The following COL23A1 variants were observed in gnomAD, a reference collection of about 807,000 sequenced individuals.
COL23A1 encodes the protein collagen type XXIII alpha 1 chain, also known as collagen alpha-1(XXIII) chain.
In COL23A1, 97 loss-of-function variants were observed where a neutral mutation model predicts 99.3. The ratio of observed to expected loss-of-function variants is 0.98; its 90% confidence interval spans 0.83 to 1.16. COL23A1 has a LOEUF of 1.16. COL23A1 is among the 50% of genes most tolerant of loss of function. The pLI, the probability that COL23A1 is intolerant of heterozygous loss-of-function variation, is 0.00. For synonymous variants in COL23A1, 320 were observed against 308.2 expected (o/e 1.04, Z -0.40); for missense variants, 762 against 757.4 (o/e 1.01, Z -0.07).
At position 178,313,463 on chromosome 5, in the gene COL23A1, T is replaced by C. The variant is rs186538946; in HGVS notation, c.362-6544A>G. Among the ~76,000 whole-genome samples the C allele has an allele frequency of 3.5e-3, 535 of 152,360 alleles. 3 individuals carry two copies. The highest frequency in any genetic ancestry group is 0.012 in the African/African-American group (510 of 41,582). ...GCCGTCCTGATGGAGACTGTGGGGA[T>C]GCTGCTGGCAGCCACAGCAGTGTCC... On this transcript the variant is annotated intron_variant, in intron 2 of 28. Coordinates refer to ENST00000390654, the MANE Select transcript of COL23A1 (RefSeq NM_173465.4). The surrounding 1 kb of genome is among the most constrained non-coding windows in gnomAD (Gnocchi z 4.2).
rs569596843 is a variant in COL23A1 at position 178,309,397 on chromosome 5, C to T, written c.362-2478G>A. On this transcript the variant is annotated intron_variant, in intron 2 of 28. Transcript: ENST00000390654. The surrounding 1 kb of genome is among the most constrained non-coding windows in gnomAD (Gnocchi z 4.7). ...TGCTGAGCATACAGGGCCTGTGAGCCGCAGGCCAGGCAGGCTGGATGTGAC... is the reference window on the plus strand; with the variant it reads ...TGCTGAGCATACAGGGCCTGTGAGCTGCAGGCCAGGCAGGCTGGATGTGAC... Among the ~76,000 whole-genome samples, 77 of 152,156 alleles carry T rather than the reference C, an allele frequency of 5.1e-4. No homozygotes were observed. Among genetic ancestry groups the T allele is most frequent in the Admixed American group, 4.1e-3 (62 of 15,284 alleles).
rs150498653 is a variant in COL23A1, at chr5:178,550,950, T to G, written c.361+9732A>C. On this transcript the variant is annotated intron_variant, in intron 2 of 28. Transcript: ENST00000390654. ...TTCTAGAAATCTGTTTTCTAACAGA[T>G]AGTCTACCTTTCACAGAATCTTCAT... Among the ~76,000 whole-genome samples the G allele has an allele frequency of 3.9e-3, 597 of 152,144 alleles. 6 individuals are homozygous for G. Among genetic ancestry groups the G allele is most frequent in the African/African-American group, 0.013 (558 of 41,510 alleles).
At chr5:178,537,873 G>A (rs572287533) in intron 2 of COL23A1, among the ~76,000 whole-genome samples, 34 of 152,270 alleles carry the variant, frequency 2.2e-4, no homozygotes, top group African/African-American at 6.5e-4. Flanking sequence ...CCATCACCAC[G>A]TCCGCCTCCA....
intron 1 of COL23A1, among the ~76,000 whole-genome samples, chr5:178,579,643 G>A (rs537380044): frequency 1.9e-4 from 29 of 152,138 alleles, no homozygotes; most frequent in African/African-American, 7.0e-4. Flanking sequence ...TAGGAGAGAC[G>A]GGGTTTCACC....
chr5:178,431,528 A>G (rs1766265101), intron 2 of COL23A1, among the ~76,000 whole-genome samples: 2 of 152,208 alleles, frequency 1.3e-5, no homozygotes, highest in Admixed American at 6.5e-5. Flanking sequence ...CCCCAGACGT[A>G]ATCACAAATG....
intron 2 of COL23A1, among the ~76,000 whole-genome samples, chr5:178,552,854 C>CA (rs1434406777): frequency 6.6e-6 from 1 of 151,984 alleles, no homozygotes; most frequent in East Asian, 1.9e-4. Context: ...GCTGGGACTA[C>CA]AGGCGCGTGC....
intron 2 of COL23A1, among the ~76,000 whole-genome samples, chr5:178,467,729 C>T (rs1756498365): frequency 1.3e-5 from 2 of 152,142 alleles, no homozygotes; most frequent in South Asian, 2.1e-4. Context: ...TTTTAATTGA[C>T]TCATTTTTAA....
intron 2 of COL23A1, among the ~76,000 whole-genome samples, chr5:178,555,263 C>T (rs1182427341): frequency 1.3e-5 from 2 of 152,124 alleles, no homozygotes; most frequent in Non-Finnish European, 2.9e-5. Flanking sequence ...AAACACAGTC[C>T]CATTCTGAAG....
rs1758603034 is a variant in COL23A1 at position 178,310,285 on chromosome 5, C to CG, written c.362-3367dup. Among the ~76,000 whole-genome samples, 1 of 152,124 alleles carries CG rather than the reference C, an allele frequency of 6.6e-6. No homozygotes were observed. The highest frequency in any genetic ancestry group is 1.5e-5 in the Non-Finnish European group (1 of 68,028). On this transcript the variant is annotated intron_variant, in intron 2 of 28. Transcript: ENST00000390654. This position sits in a 1 kb window ranked among gnomAD's most constrained non-coding sequence, Gnocchi z 4.3. ...AGGAGCCGCAGGAGTGGGGGCAGGACGGACGGCCTCTCCTGAGTCTCTGGA... is the reference window on the plus strand; with the variant it reads ...AGGAGCCGCAGGAGTGGGGGCAGGACGGGACGGCCTCTCCTGAGTCTCTGGA...
chr5:178,579,880 G>A (rs922546149), intron 1 of COL23A1, among the ~76,000 whole-genome samples: 2 of 152,254 alleles, frequency 1.3e-5, no homozygotes, highest in African/African-American at 4.8e-5. Flanking sequence ...CCATGAGGCT[G>A]TGGAAAGGGC....
At chr5:178,262,946 G>C (rs1481152876) in intron 9 of COL23A1, among the ~76,000 whole-genome samples, 1 of 152,100 alleles carries the variant, frequency 6.6e-6, no homozygotes, top group Non-Finnish European at 1.5e-5. Flanking sequence ...GACCCAGTTA[G>C]TGTTAGATTT....
At chr5:178,326,752 C>T (rs759305527) in intron 2 of COL23A1, among the ~76,000 whole-genome samples, 3 of 152,236 alleles carry the variant, frequency 2.0e-5, no homozygotes, top group Non-Finnish European at 4.4e-5. Flanking sequence ...CGGAGTCTCG[C>T]TCTGTCACCC....
At chr5:178,496,451 G>T (rs571598074) in intron 2 of COL23A1, among the ~76,000 whole-genome samples, 1 of 152,298 alleles carries the variant, frequency 6.6e-6, no homozygotes, top group Non-Finnish European at 1.5e-5. Context: ...ATGTCTTAGG[G>T]ATGAAGCTTC....
chr5:178,508,614 T>C (rs1390177415), intron 2 of COL23A1, among the ~76,000 whole-genome samples: 2 of 152,204 alleles, frequency 1.3e-5, no homozygotes, highest in South Asian at 2.1e-4. Flanking sequence ...AGAGGTTCTT[T>C]GGTACTGCTG....
intron 1 of COL23A1, among the ~76,000 whole-genome samples, chr5:178,564,669 C>T (rs1361101663): frequency 1.3e-5 from 2 of 152,068 alleles, no homozygotes; most frequent in Admixed American, 6.6e-5. Flanking sequence ...GGGGGAAGGG[C>T]GGCAAGAGCT....
chr5:178,343,302 C>T (rs1760772634), intron 2 of COL23A1, among the ~76,000 whole-genome samples: 1 of 152,126 alleles, frequency 6.6e-6, no homozygotes, highest in African/African-American at 2.4e-5. Flanking sequence ...AGGATGGGGA[C>T]TAGGTGGAGG....
chr5:178,499,387 G>A (rs1232052119), intron 2 of COL23A1, among the ~76,000 whole-genome samples: 6 of 152,186 alleles, frequency 3.9e-5, no homozygotes, highest in African/African-American at 1.2e-4. Flanking sequence ...CATCAGCAGC[G>A]ATGTCACGCT....
intron 2 of COL23A1, among the ~76,000 whole-genome samples, chr5:178,435,342 G>C (rs1350158544): frequency 6.6e-6 from 1 of 152,200 alleles, no homozygotes; most frequent in East Asian, 1.9e-4. Context: ...GGAGCTCAGG[G>C]ACCACGGTGT....
At chr5:178,489,749 C>A (rs553332572) in intron 2 of COL23A1, among the ~76,000 whole-genome samples, 2 of 152,322 alleles carry the variant, frequency 1.3e-5, no homozygotes, top group East Asian at 3.9e-4. Flanking sequence ...CCACGGGATG[C>A]AGCAATTCCG....
Sources: gnomAD v4.1 joint callset for allele counts (sites outside exome capture counted in the v4.1 genomes callset) on GRCh38, gnomAD v4.1.1 for gene constraint, Gnocchi (gnomAD v3.1) non-coding constraint, MANE v1.5 for transcripts, NCBI Gene and HGNC (gene_info 2026-07-23, HGNC 2026-07-21) for gene names.